Variants in CSNK2A2IP observed in about 807,000 individuals in gnomAD.
The protein encoded by CSNK2A2IP is casein kinase II subunit alpha'-interacting protein.
the CSNK2A2IP span, among the ~76,000 whole-genome samples, chr3:88,430,542 G>A: frequency 6.6e-4 from 100 of 151,940 alleles, no homozygotes; most frequent in Middle Eastern, 3.4e-3. Flanking sequence ...ATCAATTTGA[G>A]AATATTTACC....
the CSNK2A2IP span, among the ~76,000 whole-genome samples, chr3:88,367,669 C>T: frequency 4.6e-5 from 7 of 151,972 alleles, no homozygotes; most frequent in East Asian, 1.9e-4. Context: ...TAATGCAAGC[C>T]GTTCACACCA....
chr3:88,455,387 T>C, the CSNK2A2IP span, among the ~76,000 whole-genome samples: 1 of 151,966 alleles, frequency 6.6e-6, no homozygotes, highest in Admixed American at 6.6e-5. Flanking sequence ...GACTGTTTGA[T>C]AAAAGCCATT....
chr3:88,358,019 G>A, the CSNK2A2IP span, among the ~76,000 whole-genome samples: 1 of 152,046 alleles, frequency 6.6e-6, no homozygotes, highest in African/African-American at 2.4e-5. Flanking sequence ...CAGTCCATCA[G>A]TGTTTTATAA....
the CSNK2A2IP span, among the ~76,000 whole-genome samples, chr3:88,407,766 C>G: frequency 6.6e-6 from 1 of 152,032 alleles, no homozygotes; most frequent in Non-Finnish European, 1.5e-5. Context: ...CTCAGCCACC[C>G]AGGGTGGAGT....
At chr3:88,421,896 TTC>T in the CSNK2A2IP span, among the ~76,000 whole-genome samples, 1 of 152,108 alleles carries the variant, frequency 6.6e-6, no homozygotes, top group African/African-American at 2.4e-5. Context: ...AACAATTTTC[TTC>T]AAAGGGTCTA....
At chr3:88,429,280 GTTATTTGC>G in the CSNK2A2IP span, among the ~76,000 whole-genome samples, 1 of 152,050 alleles carries the variant, frequency 6.6e-6, no homozygotes. Flanking sequence ...ATGAGAATGT[GTTATTTGC>G]CTCCAGGCTC....
the CSNK2A2IP span, among the ~76,000 whole-genome samples, chr3:88,401,538 G>A: frequency 3.9e-5 from 6 of 152,004 alleles, no homozygotes; most frequent in Non-Finnish European, 7.4e-5. Context: ...AATTTAATTC[G>A]GAACAAGTTG....
At chr3:88,374,147 G>A in the CSNK2A2IP span, among the ~76,000 whole-genome samples, 1 of 151,776 alleles carries the variant, frequency 6.6e-6, no homozygotes, top group African/African-American at 2.4e-5. Context: ...AGGAAGGCTG[G>A]TTAAGATCCT....
the CSNK2A2IP span, among the ~76,000 whole-genome samples, chr3:88,443,941 T>C: frequency 1.3e-5 from 2 of 152,132 alleles, no homozygotes; most frequent in African/African-American, 4.8e-5. Context: ...GAGATATTTG[T>C]GATACAAAGA....
the CSNK2A2IP span, among the ~76,000 whole-genome samples, chr3:88,427,073 T>C: frequency 6.6e-6 from 1 of 152,146 alleles, no homozygotes; most frequent in African/African-American, 2.4e-5. Flanking sequence ...GTGGGAAAGT[T>C]TGAAACTTCT....
At chr3:88,456,822 C>A in the CSNK2A2IP span, among the ~76,000 whole-genome samples, 2 of 151,904 alleles carry the variant, frequency 1.3e-5, no homozygotes, top group African/African-American at 4.8e-5. Context: ...TGTTTGTCTA[C>A]CTTTATGCTA....
chr3:88,426,065 T>C, the CSNK2A2IP span, among the ~76,000 whole-genome samples: 1 of 152,138 alleles, frequency 6.6e-6, no homozygotes, highest in Admixed American at 6.5e-5. Context: ...TATTTTCACA[T>C]AACAAATGCC....
the CSNK2A2IP span, among the ~76,000 whole-genome samples, chr3:88,445,015 A>ACACTATTT: frequency 6.6e-6 from 1 of 152,268 alleles, no homozygotes; most frequent in Admixed American, 6.5e-5. Context: ...ATAATTTGAT[A>ACACTATTT]CACTATTTCA....
At chr3:88,441,452 G>A in the CSNK2A2IP span, among the ~76,000 whole-genome samples, 1 of 152,000 alleles carries the variant, frequency 6.6e-6, no homozygotes, top group South Asian at 2.1e-4. Context: ...TTCAGCTGTT[G>A]TACCAAGAAA....
At chr3:88,385,749 C>CT in the CSNK2A2IP span, among the ~76,000 whole-genome samples, 2 of 152,224 alleles carry the variant, frequency 1.3e-5, no homozygotes, top group East Asian at 3.9e-4. Flanking sequence ...GCTGACTTAC[C>CT]TTTAGAGAGT....
chr3:88,466,821 C>A, the CSNK2A2IP span: 2 of 921,502 alleles, frequency 2.2e-6, no homozygotes, highest in Middle Eastern at 3.8e-4. Flanking sequence ...CTCCATGTAA[C>A]CATCTTAGAG....
the CSNK2A2IP span, chr3:88,465,201 A>T: frequency 7.1e-6 from 3 of 423,018 alleles, no homozygotes; most frequent in Non-Finnish European, 1.2e-5. Flanking sequence ...GGAATAGTCT[A>T]TAATATTTGA....
the CSNK2A2IP span, among the ~76,000 whole-genome samples, chr3:88,448,654 CT>C: frequency 6.6e-6 from 1 of 152,184 alleles, no homozygotes; most frequent in African/African-American, 2.4e-5. Context: ...TTCCCACTCC[CT>C]AACTCTTTTC....
chr3:88,366,627 A>G, the CSNK2A2IP span, among the ~76,000 whole-genome samples: 1 of 152,018 alleles, frequency 6.6e-6, no homozygotes, highest in South Asian at 2.1e-4. Context: ...GTTACAACCA[A>G]TTTCTAGGAT....
Sources: gnomAD v4.1 joint callset for allele counts (sites outside exome capture counted in the v4.1 genomes callset) on GRCh38, gnomAD v4.1.1 for gene constraint, MANE v1.5 for transcripts, NCBI Gene and HGNC (gene_info 2026-07-23, HGNC 2026-07-21) for gene names.